Variants in ABTB2 observed in about 807,000 individuals in gnomAD.
ABTB2 encodes the protein ankyrin repeat and BTB/POZ domain-containing protein 2.
A neutral mutation model predicts 104.1 loss-of-function variants in ABTB2; 56 were observed. The observed-to-expected ratio is 0.54, with a 90% CI of 0.43 to 0.67. ABTB2 has a LOEUF of 0.67. Ranked by LOEUF, ABTB2 falls within the 30% of genes least tolerant of loss-of-function variation. The pLI is 0.00. For missense variants in ABTB2, 1,279 were observed against 1,407.7 expected, an observed-to-expected ratio of 0.91 and a Z score of 1.46; for synonymous variants, 606 against 608.2, an observed-to-expected ratio of 1.00 and a Z score of 0.05.
rs776895074 is a variant in ABTB2, at chr11:34,160,236, G to A, written c.2503+12C>T. On this transcript the variant is annotated intron_variant, in intron 12 of 16. Transcript: ENST00000435224. ...CGTGTGGTGATGCAGGGCGCAGGGG[G>A]CGCGCCTTCACCTAGCCTGGCCGGC... 3.1e-6 allele frequency: 5 copies of A among 1,598,758 alleles called. No homozygotes were observed. The highest frequency in any genetic ancestry group is 4.3e-6 in the Non-Finnish European group (5 of 1,166,332).
At chr11:34,189,688 T>C (rs924601375) in intron 3 of ABTB2, among the ~76,000 whole-genome samples, 1 of 152,046 alleles carries the variant, frequency 6.6e-6, no homozygotes, top group African/African-American at 2.4e-5. Context: ...ACAACAAAAG[T>C]CCTTCTATGA....
chr11:34,306,651 G>A (rs1288718640), intron 1 of ABTB2, among the ~76,000 whole-genome samples: 6 of 151,968 alleles, frequency 3.9e-5, no homozygotes, highest in Non-Finnish European at 8.8e-5. Context: ...TTGAGCCCAG[G>A]AGTGTGAGGC....
At chr11:34,349,566 C>A (rs1855374195) in intron 1 of ABTB2, among the ~76,000 whole-genome samples, 1 of 152,178 alleles carries the variant, frequency 6.6e-6, no homozygotes, top group African/African-American at 2.4e-5. Context: ...TTGTTAAAAA[C>A]AATTAGAATA....
At chr11:34,210,558 C>T (rs1465997764) in intron 1 of ABTB2, among the ~76,000 whole-genome samples, 2 of 152,224 alleles carry the variant, frequency 1.3e-5, no homozygotes, top group Non-Finnish European at 2.9e-5. Flanking sequence ...TGTAACATAA[C>T]TGTCCTCCAA....
chr11:34,231,771 C>T (rs1222649599), intron 1 of ABTB2, among the ~76,000 whole-genome samples: 1 of 152,076 alleles, frequency 6.6e-6, no homozygotes, highest in Non-Finnish European at 1.5e-5. Context: ...GGGGTGAGCC[C>T]CGCACCCGGC....
In ABTB2 at chr11:34,356,538, T is replaced by C. The variant is rs927375344; in HGVS notation, c.883+163A>G. Among the ~76,000 whole-genome samples, 2 of 152,148 alleles carry C rather than the reference T, an allele frequency of 1.3e-5. No individual in the cohort carries two copies. Among genetic ancestry groups the C allele is most frequent in the African/African-American group, 4.8e-5 (2 of 41,418 alleles). ...CAAAAGTCAGACACCCTTAGAACAA[T>C]CTCTGGCAAGTGCCATGTAATGAAC... On this transcript the variant is annotated intron_variant, in intron 1 of 16. Coordinates refer to ENST00000435224, the MANE Select transcript of ABTB2 (RefSeq NM_145804.3). This position sits in a 1 kb window ranked among gnomAD's most constrained non-coding sequence, Gnocchi z 4.6.
chr11:34,198,177 C>T (rs1284833689), intron 2 of ABTB2, among the ~76,000 whole-genome samples: 2 of 152,144 alleles, frequency 1.3e-5, no homozygotes, highest in African/African-American at 2.4e-5. Flanking sequence ...TAATCCCAAG[C>T]CCTTGGGGAG....
chr11:34,173,088 C>A (rs184204725), intron 4 of ABTB2, 67 bp downstream of exon 4: 2 of 1,596,168 alleles, frequency 1.3e-6, no homozygotes, highest in Non-Finnish European at 8.5e-7. Flanking sequence ...GGGGAAGAAG[C>A]GAGCAGAGGG....
rs557430519 is a variant in ABTB2 at position 34,321,746 on chromosome 11, G to A, written c.883+34955C>T. On this transcript the variant is annotated intron_variant, in intron 1 of 16. Transcript: ENST00000435224. Reference sequence around the variant, plus strand: ...TGGCAGCTGCCGCAGCTCTAGACATGATGTTCGCATATACCATTCAAGTCT... The same window carrying A: ...TGGCAGCTGCCGCAGCTCTAGACATAATGTTCGCATATACCATTCAAGTCT... 6.6e-5 allele frequency among the ~76,000 whole-genome samples: 10 copies of A among 152,342 alleles called. No individual in the cohort carries two copies. In the East Asian group the frequency reaches 1.9e-3, roughly 29 times the overall value.
At chr11:34,354,745 T>C (rs943760294) in intron 1 of ABTB2, among the ~76,000 whole-genome samples, 1 of 152,242 alleles carries the variant, frequency 6.6e-6, no homozygotes, top group Admixed American at 6.5e-5. Context: ...TCTGCATGAA[T>C]ATATGTTTTT....
intron 3 of ABTB2, among the ~76,000 whole-genome samples, chr11:34,196,116 G>A (rs1046030378): frequency 1.3e-5 from 2 of 152,206 alleles, no homozygotes; most frequent in Non-Finnish European, 2.9e-5. Context: ...CCCATGGACA[G>A]ACCTTACCTT....
chr11:34,253,128 AAGCAC>A (rs1436540658), intron 1 of ABTB2, among the ~76,000 whole-genome samples: 3 of 152,184 alleles, frequency 2.0e-5, no homozygotes, highest in Non-Finnish European at 4.4e-5. Flanking sequence ...TCCAGGTGGA[AAGCAC>A]AGGAGAGTCT....
In ABTB2 at chr11:34,302,885, C is replaced by G. The variant is rs545876019; in HGVS notation, c.883+53816G>C. 4.6e-5 allele frequency among the ~76,000 whole-genome samples: 7 copies of G among 152,228 alleles called. No individual in the cohort carries two copies. In the East Asian group the frequency reaches 1.4e-3, roughly 29 times the overall value. On this transcript the variant is annotated intron_variant, in intron 1 of 16. Coordinates refer to ENST00000435224, the MANE Select transcript of ABTB2 (RefSeq NM_145804.3). Reference sequence around the variant, plus strand: ...CTCAGGAGTCTGGGGCTGCAAAGTCCCCAGTTATAAATGGGAACCTCTATC... The same window carrying G: ...CTCAGGAGTCTGGGGCTGCAAAGTCGCCAGTTATAAATGGGAACCTCTATC...
At chr11:34,161,175 G>GC (rs1378941443) in intron 10 of ABTB2, 94 bp from the exon 11 acceptor site, 18 of 1,321,642 alleles carry the variant, frequency 1.4e-5, no homozygotes, top group Non-Finnish European at 1.8e-5. Flanking sequence ...CTCTCGGGAT[G>GC]CCCCCGCTGT....
Position 34,159,982 on chromosome 11 carries a change from TC to T in ABTB2, c.2529del (p.Met844CysfsTer4). Reference protein sequence around the residue: ...RLDPHFLNNKEMSDVTFLVEG... With the variant: ...RLDPHFLNNKXMSDVTFLVEG... ...TCCACCAGGAAGGTCACATCTGACA[TC>T]TCCTTATTGTTCAAAAAGTGTGGAT... On this transcript the variant is annotated frameshift_variant, in exon 13 of 17. Transcript: ENST00000435224. LOFTEE classifies it high-confidence loss of function. 6.2e-7 allele frequency: 1 copy of T among 1,613,796 alleles called. No individual in the cohort carries two copies. Among genetic ancestry groups the T allele is most frequent in the Admixed American group, 1.7e-5 (1 of 60,024 alleles).
intron 1 of ABTB2, among the ~76,000 whole-genome samples, chr11:34,254,290 C>G (rs966936125): frequency 6.6e-6 from 1 of 152,068 alleles, no homozygotes; most frequent in African/African-American, 2.4e-5. Flanking sequence ...CTTTATCACT[C>G]AGGCTGGAGT....
At chr11:34,316,546 C>T (rs74898807) in intron 1 of ABTB2, among the ~76,000 whole-genome samples, 113 of 152,294 alleles carry the variant, frequency 7.4e-4, no homozygotes, top group African/African-American at 2.7e-3. Context: ...TTGTCAGTGA[C>T]CGAGTGGCAA....
intron 1 of ABTB2, among the ~76,000 whole-genome samples, chr11:34,268,090 T>C (rs1017302187): frequency 6.6e-6 from 1 of 152,006 alleles, no homozygotes; most frequent in African/African-American, 2.4e-5. Context: ...GCCACCATGC[T>C]CGGCTAACTT....
chr11:34,160,194 A>G, intron 12 of ABTB2, 54 bp downstream of exon 12: 1 of 1,478,126 alleles, frequency 6.8e-7, no homozygotes, highest in Non-Finnish European at 9.4e-7. Flanking sequence ...GAAGCAGGAA[A>G]GGGAAGAGGG....
Sources: allele counts gnomAD v4.1 joint callset (sites outside exome capture counted in the v4.1 genomes callset), GRCh38; gene constraint gnomAD v4.1.1; non-coding constraint Gnocchi (gnomAD v3.1); transcripts MANE v1.5; gene names NCBI Gene and HGNC (gene_info 2026-07-23, HGNC 2026-07-21).